Variants in CCDC85A observed in about 807,000 individuals in gnomAD.
CCDC85A encodes coiled-coil domain-containing protein 85A.
In CCDC85A, 38 loss-of-function variants were observed where a neutral mutation model predicts 50.2. The observed-to-expected ratio is 0.76, with a 90% CI of 0.58 to 0.99. The LOEUF (loss-of-function observed/expected upper bound fraction) is 0.99. Ranked by LOEUF, CCDC85A falls within the 50% of genes least tolerant of loss-of-function variation. The probability of loss-of-function intolerance (pLI) is 0.00; values close to 1 mark genes in which losing one functional copy is unlikely to be tolerated. For synonymous variants in CCDC85A, 366 were observed against 301.4 expected, an observed-to-expected ratio of 1.21 and a Z score of -2.22; for missense variants, 820 against 742.0, an observed-to-expected ratio of 1.11 and a Z score of -1.22.
chr2:56,280,305 G>T (rs1671149320), intron 2 of CCDC85A, among the ~76,000 whole-genome samples: 1 of 151,960 alleles, frequency 6.6e-6, no homozygotes. Context: ...TTGAACCTTG[G>T]CTTTTTAATC....
chr2:56,280,477 G>T (rs1255915892), intron 2 of CCDC85A, among the ~76,000 whole-genome samples: 1 of 152,068 alleles, frequency 6.6e-6, no homozygotes, highest in African/African-American at 2.4e-5. Flanking sequence ...TACTATAATT[G>T]CTTGACCGTC....
At chr2:56,272,579 C>T (rs1670744734) in intron 2 of CCDC85A, among the ~76,000 whole-genome samples, 1 of 152,160 alleles carries the variant, frequency 6.6e-6, no homozygotes, top group Non-Finnish European at 1.5e-5. Flanking sequence ...GGAAGCTCCA[C>T]ACCCAGGGAC....
chr2:56,308,294 A>C (rs909343001), intron 2 of CCDC85A, among the ~76,000 whole-genome samples: 1 of 152,166 alleles, frequency 6.6e-6, no homozygotes, highest in Admixed American at 6.6e-5. Context: ...CTCCCACTCA[A>C]ACTATCTGGG....
intron 2 of CCDC85A, among the ~76,000 whole-genome samples, chr2:56,256,110 A>G (rs1052864316): frequency 3.9e-4 from 60 of 152,204 alleles, no homozygotes; most frequent in African/African-American, 1.4e-3. Context: ...AATTCAAGTT[A>G]GCTCAAAAAA....
At chr2:56,283,625 A>G (rs556792029) in intron 2 of CCDC85A, among the ~76,000 whole-genome samples, 5 of 152,262 alleles carry the variant, frequency 3.3e-5, no homozygotes, top group African/African-American at 1.2e-4. Flanking sequence ...AGTTATGCTG[A>G]TTCTTCTTGA....
At chr2:56,318,672 T>C (rs1383550050) in intron 2 of CCDC85A, among the ~76,000 whole-genome samples, 1 of 152,120 alleles carries the variant, frequency 6.6e-6, no homozygotes. Flanking sequence ...AATTAGTCAG[T>C]TTACTAACAC....
intron 2 of CCDC85A, among the ~76,000 whole-genome samples, chr2:56,282,427 A>G (rs1671246446): frequency 6.6e-6 from 1 of 152,246 alleles, no homozygotes; most frequent in Non-Finnish European, 1.5e-5. Context: ...CAATTTCTAC[A>G]AAGAAAGACT....
chr2:56,375,897 C>T lies in CCDC85A; in HGVS notation c.1534C>T (p.Pro512Ser), dbSNP rs1435565443. The change falls in exon 5 of 6, where the codon CCT becomes TCT. Residue 512 changes from proline to serine, a missense_variant. By Grantham distance (74) the Pro-to-Ser change is moderately conservative. Coordinates refer to ENST00000407595, the MANE Select transcript of CCDC85A (RefSeq NM_001080433.2). ...AGCTAGCTTCAGTGGACATGCCACA[C>T]CTTCCCAGCAGCCTGAACCTGTGGT... ...SAASFSGHAT[P>S]SQQPEPVVHS... 6.2e-7 allele frequency: 1 copy of T among 1,613,814 alleles called. No individual in the cohort carries two copies. The highest frequency in any genetic ancestry group is 1.7e-5 in the Admixed American group (1 of 59,988).
At chr2:56,330,013 A>G (rs1426649261) in intron 2 of CCDC85A, among the ~76,000 whole-genome samples, 1 of 120,112 alleles carries the variant, frequency 8.3e-6, no homozygotes, top group African/African-American at 3.3e-5. Context: ...TTCATTGACA[A>G]TACCGACTAG....
At chr2:56,206,216 A>G (rs1441115296) in intron 2 of CCDC85A, among the ~76,000 whole-genome samples, 3 of 152,178 alleles carry the variant, frequency 2.0e-5, no homozygotes, top group Admixed American at 6.5e-5. Flanking sequence ...TCACACACAT[A>G]GGAATATAAA....
intron 2 of CCDC85A, among the ~76,000 whole-genome samples, chr2:56,255,794 A>G (rs868741928): frequency 6.6e-6 from 1 of 152,060 alleles, no homozygotes; most frequent in Non-Finnish European, 1.5e-5. Context: ...GGGATAGAGG[A>G]GAATAAATCC....
chr2:56,310,545 A>G (rs1672643590), intron 2 of CCDC85A, among the ~76,000 whole-genome samples: 1 of 152,174 alleles, frequency 6.6e-6, no homozygotes, highest in Non-Finnish European at 1.5e-5. Flanking sequence ...ATTATATATT[A>G]GGAACCAAGT....
At chr2:56,271,489 T>C (rs1199033078) in intron 2 of CCDC85A, among the ~76,000 whole-genome samples, 1 of 152,098 alleles carries the variant, frequency 6.6e-6, no homozygotes. Context: ...CTGCTTGCTT[T>C]GGGTTCACAG....
intron 2 of CCDC85A, among the ~76,000 whole-genome samples, chr2:56,267,149 A>G (rs945193717): frequency 6.6e-6 from 1 of 152,144 alleles, no homozygotes; most frequent in Non-Finnish European, 1.5e-5. Flanking sequence ...ATGCTGTTCT[A>G]AAATGGAACA....
chr2:56,344,308 C>G (rs559972334), intron 3 of CCDC85A, among the ~76,000 whole-genome samples: 1 of 152,244 alleles, frequency 6.6e-6, no homozygotes, highest in South Asian at 2.1e-4. Flanking sequence ...GATGCTGTGA[C>G]CATTGGTCTG....
chr2:56,193,233 G>T lies in CCDC85A; in HGVS notation c.1033G>T (p.Gly345Trp), dbSNP rs772737505. The T allele has an allele frequency of 3.7e-5, 60 of 1,613,486 alleles. No individual in the cohort carries two copies. The highest frequency in any genetic ancestry group is 1.7e-4 in the Admixed American group (10 of 59,994). ...GGAGCATCTTCAGAAACACGCTCTT[G>T]GGGGGAGCCTAGAGCATCTCCCCAG... Reference protein sequence around the residue: ...SPEHLQKHALGGSLEHLPRAR... With the variant: ...SPEHLQKHALWGSLEHLPRAR... Residue 345 changes from glycine (G) to tryptophan (W), a missense_variant, in exon 2 of 6, where the codon GGG becomes TGG. Gly to Trp is a radical substitution (Grantham distance 184, BLOSUM62 -2). Transcript: ENST00000407595.
At position 56,384,672 on chromosome 2, in the gene CCDC85A, A is replaced by G. The variant is rs557399954; in HGVS notation, c.*317A>G. The G allele has an allele frequency of 4.3e-6, 1 of 230,264 alleles. No individual in the cohort carries two copies. Among genetic ancestry groups the G allele is most frequent in the African/African-American group, 2.2e-5 (1 of 44,946 alleles). 14.3% of individuals were successfully genotyped at this position (230,264 alleles called of 1,614,324 possible). ...AATAAGTGTTTTTAACTCCCCAGATATAATATTGTAATTGGGAAACCTGAA... is the reference window on the plus strand; with the variant it reads ...AATAAGTGTTTTTAACTCCCCAGATGTAATATTGTAATTGGGAAACCTGAA... On this transcript the variant is annotated 3_prime_UTR_variant, in exon 6 of 6. Transcript: ENST00000407595.
intron 2 of CCDC85A, among the ~76,000 whole-genome samples, chr2:56,208,010 C>T (rs113795288): frequency 0.016 from 2,467 of 152,166 alleles, 69 homozygotes; most frequent in African/African-American, 0.055. Context: ...CATTCAAAAA[C>T]GGTGAGTTCA....
intron 2 of CCDC85A, among the ~76,000 whole-genome samples, chr2:56,293,731 A>T (rs144591808): frequency 5.3e-5 from 8 of 150,346 alleles, no homozygotes; most frequent in African/African-American, 1.9e-4. Flanking sequence ...TCATTAGAGA[A>T]ATTCAAATCA....
Sources: gnomAD v4.1 joint callset for allele counts (sites outside exome capture counted in the v4.1 genomes callset) on GRCh38, gnomAD v4.1.1 for gene constraint, MANE v1.5 for transcripts, NCBI Gene and HGNC (gene_info 2026-07-23, HGNC 2026-07-21) for gene names.